The following RDX variants were observed in gnomAD, a reference collection of about 807,000 sequenced individuals.
RDX encodes the protein deafness, autosomal recessive 24.
In RDX, 32 loss-of-function variants were observed where a neutral mutation model predicts 83.7. The ratio of observed to expected loss-of-function variants is 0.38; its 90% confidence interval spans 0.29 to 0.51. RDX has a LOEUF of 0.51. Ranked by LOEUF, RDX falls within the 20% of genes least tolerant of loss-of-function variation. The pLI is 0.87. For missense variants in RDX, 600 were observed against 689.9 expected (o/e 0.87, Z 1.46); for synonymous variants, 229 against 222.7 (o/e 1.03, Z -0.25).
chr11:110,203,413 T>TAAAAAAA (rs34158580), intron 14 of RDX, among the ~76,000 whole-genome samples: 1 of 125,530 alleles, frequency 8.0e-6, no homozygotes, highest in Non-Finnish European at 1.7e-5. Context: ...TGTTAATGGG[T>TAAAAAAA]AAAAAAAAAA....
rs199520087 is a variant in RDX, at chr11:110,237,670, T to C, written c.1091-18A>G. On this transcript the variant is annotated intron_variant, in intron 10 of 13. Transcript: ENST00000645495. ...TTCTAGTTCTATGAAATATGTGTAT[T>C]CCCCCCAACAGTGATTAATTCCAAT... 5.0e-6 allele frequency: 8 copies of C among 1,612,454 alleles called. No homozygotes were observed. The South Asian group carries it at 5.5e-5, about 11-fold the overall frequency.
chr11:110,296,058 T>G (rs956179699), intron 1 of RDX, among the ~76,000 whole-genome samples: 2 of 152,206 alleles, frequency 1.3e-5, no homozygotes, highest in Non-Finnish European at 2.9e-5. Context: ...AAACAACCCT[T>G]GGGACCATGC....
chr11:110,220,538 A>G (rs1161597820), intron 14 of RDX, among the ~76,000 whole-genome samples: 1 of 152,114 alleles, frequency 6.6e-6, no homozygotes, highest in Non-Finnish European at 1.5e-5. Flanking sequence ...TTTGAGACAG[A>G]GTTTTGCTCT....
At chr11:110,210,552 C>T (rs530372362) in intron 14 of RDX, among the ~76,000 whole-genome samples, 38 of 150,882 alleles carry the variant, frequency 2.5e-4, no homozygotes, top group East Asian at 2.4e-3. Context: ...TTCACCAAAG[C>T]TGAAATGAAG....
chr11:110,233,606 C>T (rs1864728345), intron 12 of RDX, 127 bp from the exon 13 acceptor site: 3 of 940,216 alleles, frequency 3.2e-6, no homozygotes, highest in Admixed American at 2.5e-5. Context: ...ATTTATGAAA[C>T]CTCTATTTTC....
chr11:110,236,161 T>C lies in RDX; in HGVS notation c.1282A>G (p.Ile428Val), dbSNP rs572843421. ...TTCTTGGCTTCCTCTAGAAGTGCAA[T>C]CTTGGCAGTGAATTCAGCAAGTTCT... is the stretch of plus-strand genomic sequence containing the variant. ...AAELAEFTAK[I>V]ALLEEAKKKK... The change falls in exon 12 of 14, where the codon ATT becomes GTT. Residue 428 changes from isoleucine (I) to valine (V), a missense_variant. Coordinates refer to ENST00000645495, the MANE Select transcript of RDX (RefSeq NM_002906.4). 2.5e-5 allele frequency: 40 copies of C among 1,612,860 alleles called. No individual in the cohort carries two copies. In the East Asian group the frequency reaches 4.9e-4, roughly 20 times the overall value.
chr11:110,258,292 TCAGA>T, intron 5 of RDX, 103 bp from the exon 6 acceptor site: 2 of 742,136 alleles, frequency 2.7e-6, no homozygotes, highest in Non-Finnish European at 4.5e-6. Context: ...GTGGTAGTTG[TCAGA>T]CAATTAATAC....
At chr11:110,240,618 G>T (rs1173797464) in intron 10 of RDX, among the ~76,000 whole-genome samples, 3 of 151,316 alleles carry the variant, frequency 2.0e-5, no homozygotes, top group African/African-American at 7.3e-5. Flanking sequence ...GGTAGCGGGC[G>T]CCTGTAGTCC....
chr11:110,192,895 A>G (rs988923541), intron 15 of RDX, among the ~76,000 whole-genome samples: 4 of 152,194 alleles, frequency 2.6e-5, no homozygotes, highest in Non-Finnish European at 5.9e-5. Flanking sequence ...GTGGAGAAAG[A>G]GAATTCTTAT....
intron 15 of RDX, among the ~76,000 whole-genome samples, chr11:110,188,424 C>T (rs1356041659): frequency 1.3e-5 from 2 of 151,872 alleles, no homozygotes; most frequent in Admixed American, 1.3e-4. Context: ...AAGCGAACAT[C>T]GTATGTTCTC....
chr11:110,217,667 A>G lies in RDX; in HGVS notation c.1748+14206T>C, dbSNP rs557960264. Among the ~76,000 whole-genome samples, 16 of 152,304 alleles carry G rather than the reference A, an allele frequency of 1.1e-4. No homozygotes were observed. The South Asian group carries it at 3.3e-3, about 32-fold the overall frequency. On this transcript the variant is annotated intron_variant, in intron 14 of 15. Transcript: ENST00000528498. ...TACTCCTAAAGCATGATAGATTCTG[A>G]AACTCCTCTGTGAATCAGCATCAAG...
chr11:110,182,672 T>G (rs1021063891), intron 15 of RDX, among the ~76,000 whole-genome samples: 1 of 152,218 alleles, frequency 6.6e-6, no homozygotes, highest in Non-Finnish European at 1.5e-5. Context: ...ATCCTGTTCC[T>G]CATTGCCATG....
intron 1 of RDX, among the ~76,000 whole-genome samples, chr11:110,294,159 C>T (rs534652478): frequency 6.6e-6 from 1 of 152,220 alleles, no homozygotes; most frequent in African/African-American, 2.4e-5. Context: ...TTTGGGAGGC[C>T]GAGGCGGGCA....
intron 10 of RDX, among the ~76,000 whole-genome samples, chr11:110,244,595 T>C (rs926439263): frequency 6.6e-6 from 1 of 152,034 alleles, no homozygotes; most frequent in South Asian, 2.1e-4. Flanking sequence ...CGCTAATGGG[T>C]ATGGGATTTC....
chr11:110,243,144 C>A (rs1443484879), intron 10 of RDX, among the ~76,000 whole-genome samples: 1 of 152,058 alleles, frequency 6.6e-6, no homozygotes, highest in African/African-American at 2.4e-5. Flanking sequence ...TGCTTACTGA[C>A]AGCATTTCAG....
At chr11:110,247,483 G>T (rs1859156905) in intron 10 of RDX, among the ~76,000 whole-genome samples, 1 of 151,904 alleles carries the variant, frequency 6.6e-6, no homozygotes, top group South Asian at 2.1e-4. Context: ...ACTAAAAAAA[G>T]AAAAATATCT....
chr11:110,287,418 T>C (rs1861028531), intron 1 of RDX, among the ~76,000 whole-genome samples: 1 of 152,220 alleles, frequency 6.6e-6, no homozygotes, highest in Non-Finnish European at 1.5e-5. Flanking sequence ...ATGTTGTCTA[T>C]ACTCATAACA....
chr11:110,193,453 C>T (rs1018763160), intron 15 of RDX, among the ~76,000 whole-genome samples: 2 of 152,042 alleles, frequency 1.3e-5, no homozygotes, highest in African/African-American at 4.8e-5. Context: ...TCATTCATAC[C>T]CCAAACCTCA....
chr11:110,220,358 AGT>A (rs1386971957), intron 14 of RDX, among the ~76,000 whole-genome samples: 1 of 152,220 alleles, frequency 6.6e-6, no homozygotes, highest in East Asian at 1.9e-4. Flanking sequence ...CAAGATTAAT[AGT>A]GTTACTTCTG....
Sources: allele counts gnomAD v4.1 joint callset (sites outside exome capture counted in the v4.1 genomes callset), GRCh38; gene constraint gnomAD v4.1.1; transcripts MANE v1.5; gene names NCBI Gene and HGNC (gene_info 2026-07-23, HGNC 2026-07-21).